The following CRTC3 variants were observed in gnomAD, a reference collection of about 807,000 sequenced individuals.
CRTC3 encodes the protein CREB-regulated transcription coactivator 3.
Under a neutral mutation model 74.5 loss-of-function variants are expected in CRTC3, and 26 were observed. That is an observed-to-expected ratio of 0.35 (90% CI 0.26 to 0.48). The LOEUF (loss-of-function observed/expected upper bound fraction) is 0.48, where lower values mean the gene tolerates loss of function less well. Among genes scored for constraint, CRTC3 ranks in the 20% least tolerant of loss-of-function variants. The probability of loss-of-function intolerance (pLI) is 0.99; values close to 1 mark genes in which losing one functional copy is unlikely to be tolerated. For missense variants in CRTC3, 760 were observed against 787.3 expected (o/e 0.97, Z 0.41); for synonymous variants, 377 against 325.8 (o/e 1.16, Z -1.69).
chr15:90,587,762 A>G (rs1967699818), intron 2 of CRTC3, among the ~76,000 whole-genome samples: 1 of 151,936 alleles, frequency 6.6e-6, no homozygotes, highest in African/African-American at 2.4e-5. Flanking sequence ...TACAAGCGTG[A>G]ACCACCACAC....
At chr15:90,580,901 G>A (rs1967524841) in intron 2 of CRTC3, among the ~76,000 whole-genome samples, 1 of 151,872 alleles carries the variant, frequency 6.6e-6, no homozygotes, top group Non-Finnish European at 1.5e-5. Context: ...TTCTTACCAT[G>A]ATGAATTAAA....
chr15:90,637,411 C>G (rs954675521), intron 11 of CRTC3, among the ~76,000 whole-genome samples: 2 of 151,774 alleles, frequency 1.3e-5, no homozygotes, highest in African/African-American at 4.8e-5. Flanking sequence ...TTGTGGGATG[C>G]GGGGAAGGGG....
chr15:90,626,002 C>T lies in CRTC3; in HGVS notation c.967+9C>T. The T allele has an allele frequency of 6.2e-7, 1 of 1,609,498 alleles. No homozygotes were observed. Among genetic ancestry groups the T allele is most frequent in the Non-Finnish European group, 8.5e-7 (1 of 1,175,726 alleles). The stretch of plus-strand genomic sequence containing the variant: ...TATAAGAAGCTCCTCTGGTGAGTAT[C>T]TCCTGCTTAGCAGTGACCTGGTGGC... On this transcript the variant is annotated intron_variant, in intron 10 of 14. Coordinates refer to ENST00000268184, the MANE Select transcript of CRTC3 (RefSeq NM_022769.5).
chr15:90,623,150 T>A (rs1567189194), intron 9 of CRTC3, among the ~76,000 whole-genome samples: 1 of 152,114 alleles, frequency 6.6e-6, no homozygotes, highest in Non-Finnish European at 1.5e-5. Flanking sequence ...CTCCTCCCGC[T>A]GGATTTGTGG....
Position 90,642,088 on chromosome 15 carries a change from T to C in CRTC3, c.1808T>C (p.Met603Thr), listed in dbSNP as rs1969468713. The change falls in exon 15 of 15, where the codon ATG (methionine) becomes ACG (threonine). Residue 603 changes from methionine to threonine, a missense_variant. By Grantham distance (81) the Met-to-Thr change is moderately conservative. Transcript: ENST00000268184. ...CTCAACATGTTAAGTGACTCCAGCATGGGCCTGCTGGACCCCTCTGTTGAA... is the reference window on the plus strand; with the variant it reads ...CTCAACATGTTAAGTGACTCCAGCACGGGCCTGCTGGACCCCTCTGTTGAA... ...DGLNMLSDSS[M>T]GLLDPSVEET... 6.2e-7 allele frequency: 1 copy of C among 1,613,882 alleles called. No individual in the cohort carries two copies. Among genetic ancestry groups the C allele is most frequent in the African/African-American group, 1.3e-5 (1 of 74,922 alleles).
intron 2 of CRTC3, among the ~76,000 whole-genome samples, chr15:90,559,743 GC>G (rs1433665294): frequency 2.6e-5 from 4 of 152,060 alleles, no homozygotes; most frequent in South Asian, 4.1e-4. Flanking sequence ...TCCCACCTCA[GC>G]CCCCCAAGTA....
chr15:90,562,829 G>A (rs139298856), intron 2 of CRTC3, among the ~76,000 whole-genome samples: 1,632 of 152,036 alleles, frequency 0.011, 10 homozygotes, highest in Non-Finnish European at 0.017. Context: ...GACACTGGAG[G>A]GGGCAAGCCA....
intron 2 of CRTC3, among the ~76,000 whole-genome samples, chr15:90,570,703 A>G (rs1967243477): frequency 6.6e-6 from 1 of 152,346 alleles, no homozygotes; most frequent in Non-Finnish European, 1.5e-5. Context: ...ACAGTAATGC[A>G]TCCTCATAAG....
In CRTC3 at chr15:90,558,309, T is replaced by C. The variant is rs536313042; in HGVS notation, c.231+18172T>C. Among the ~76,000 whole-genome samples the C allele has an allele frequency of 3.9e-5, 6 of 152,278 alleles. No individual in the cohort carries two copies. In the South Asian group the frequency reaches 1.2e-3, roughly 32 times the overall value. On this transcript the variant is annotated intron_variant, in intron 2 of 14. Coordinates refer to ENST00000268184, the MANE Select transcript of CRTC3 (RefSeq NM_022769.5). ...AGAGGAGTCCTGTCTTCTTTCAGTA[T>C]ATTCTCAACACTGCCACCTGACTGA...
At chr15:90,633,991 T>C (rs1254049113) in intron 11 of CRTC3, among the ~76,000 whole-genome samples, 2 of 152,096 alleles carry the variant, frequency 1.3e-5, no homozygotes, top group Admixed American at 1.3e-4. Flanking sequence ...ATCTCTCAGG[T>C]TTTTAGTGGT....
chr15:90,561,943 C>A (rs569936661), intron 2 of CRTC3, among the ~76,000 whole-genome samples: 10 of 152,336 alleles, frequency 6.6e-5, no homozygotes, highest in East Asian at 5.8e-4. Flanking sequence ...TCTACACAGG[C>A]CTTGATGCCA....
intron 6 of CRTC3, among the ~76,000 whole-genome samples, chr15:90,607,826 C>A (rs1968264718): frequency 6.6e-6 from 1 of 152,230 alleles, no homozygotes; most frequent in Admixed American, 6.5e-5. Flanking sequence ...AGTCCTCTTT[C>A]CCCACCCAGG....
chr15:90,549,995 C>G (rs879278096), intron 2 of CRTC3, among the ~76,000 whole-genome samples: 2 of 151,554 alleles, frequency 1.3e-5, no homozygotes, highest in African/African-American at 2.4e-5. Flanking sequence ...TGAGCCACCA[C>G]ACCTGGCCCC....
At chr15:90,619,938 T>C in intron 9 of CRTC3, 148 bp downstream of exon 9, 1 of 651,782 alleles carries the variant, frequency 1.5e-6, no homozygotes, top group Non-Finnish European at 2.8e-6. Flanking sequence ...ACAGCCACTC[T>C]CTTTTGATAC....
At chr15:90,547,989 A>G (rs1180350187) in intron 2 of CRTC3, among the ~76,000 whole-genome samples, 1 of 150,402 alleles carries the variant, frequency 6.6e-6, no homozygotes, top group Non-Finnish European at 1.5e-5. Context: ...CCTGGGCTCA[A>G]GGGATCCTCC....
intron 6 of CRTC3, chr15:90,613,770 G>A (rs1000589743): frequency 1.3e-5 from 2 of 152,182 alleles, no homozygotes; most frequent in Non-Finnish European, 2.9e-5. Context: ...GGAATGCTAA[G>A]ATATTACATT....
chr15:90,603,247 T>A (rs994440242), intron 4 of CRTC3, among the ~76,000 whole-genome samples: 2 of 150,120 alleles, frequency 1.3e-5, no homozygotes, highest in Non-Finnish European at 3.0e-5. Context: ...ATCGAGACCA[T>A]CCTCGCTAAC....
intron 2 of CRTC3, among the ~76,000 whole-genome samples, chr15:90,557,855 G>A (rs148432673): frequency 5.7e-4 from 87 of 152,172 alleles, no homozygotes; most frequent in Admixed American, 3.8e-3. Context: ...TGGCTCCTGC[G>A]TGCCAGAATC....
At chr15:90,584,835 C>G (rs573303921) in intron 2 of CRTC3, among the ~76,000 whole-genome samples, 1 of 152,100 alleles carries the variant, frequency 6.6e-6, no homozygotes, top group Non-Finnish European at 1.5e-5. Flanking sequence ...CCTACCCAAG[C>G]TCTGTTGGAA....
Sources: gnomAD v4.1 joint callset for allele counts (sites outside exome capture counted in the v4.1 genomes callset) on GRCh38, gnomAD v4.1.1 for gene constraint, MANE v1.5 for transcripts, NCBI Gene and HGNC (gene_info 2026-07-23, HGNC 2026-07-21) for gene names.